The following TMEM266 variants were observed in gnomAD, a reference collection of about 807,000 sequenced individuals.
TMEM266 encodes transmembrane protein 266.
TMEM266 carries 33 observed loss-of-function variants against 50.5 expected under a neutral mutation model. That is an observed-to-expected ratio of 0.65 (90% confidence interval 0.50 to 0.87). TMEM266 has a LOEUF of 0.87. Ranked by LOEUF, TMEM266 falls within the 40% of genes least tolerant of loss-of-function variation. The pLI, the probability that TMEM266 is intolerant of heterozygous loss-of-function variation, is 0.00. For missense variants in TMEM266, 655 were observed against 695.1 expected, an observed-to-expected ratio of 0.94 and a Z score of 0.65; for synonymous variants, 310 against 292.3, an observed-to-expected ratio of 1.06 and a Z score of -0.62.
chr15:76,080,333 A>T (rs1596089755), intron 1 of TMEM266, among the ~76,000 whole-genome samples: 4 of 876 alleles, frequency 4.6e-3, no homozygotes, highest in Non-Finnish European at 7.2e-3. Context: ...GCTCACTGCA[A>T]CCTCTGCCTC....
intron 5 of TMEM266, among the ~76,000 whole-genome samples, chr15:76,167,482 AAAG>A (rs1263620912): frequency 1.3e-5 from 2 of 151,464 alleles, no homozygotes; most frequent in African/African-American, 4.8e-5. Flanking sequence ...AAAAAAAAAA[AAAG>A]AAACCATATT....
chr15:76,200,231 C>G (rs1258079913), intron 9 of TMEM266, among the ~76,000 whole-genome samples: 1 of 152,146 alleles, frequency 6.6e-6, no homozygotes, highest in Non-Finnish European at 1.5e-5. Context: ...GGAGACAGCC[C>G]TCTCAGGCCG....
intron 1 of TMEM266, among the ~76,000 whole-genome samples, chr15:76,131,539 T>G (rs899868253): frequency 1.3e-5 from 2 of 152,216 alleles, no homozygotes; most frequent in African/African-American, 4.8e-5. Context: ...TCAGAAGACT[T>G]TATTAACTTG....
At position 76,168,858 on chromosome 15, in the gene TMEM266, GT is replaced by G. The variant is rs1191321750; in HGVS notation, c.457-957del. ...GGAGGCACCAGCTGAGCCGGGGAGT[GT>G]GCAAGAGCTTCATGGAGGTGACGTT... On this transcript the variant is annotated intron_variant, in intron 5 of 10. Coordinates refer to ENST00000388942, the MANE Select transcript of TMEM266 (RefSeq NM_152335.3). This position sits in a 1 kb window ranked among gnomAD's most constrained non-coding sequence, Gnocchi z 4.4. 2.0e-5 allele frequency among the ~76,000 whole-genome samples: 3 copies of G among 152,210 alleles called. No homozygotes were observed. The highest frequency in any genetic ancestry group is 2.0e-4 in the Admixed American group (3 of 15,282).
rs1398873679 is a variant in TMEM266, at chr15:76,168,914, C to G, written c.457-902C>G. Among the ~76,000 whole-genome samples the G allele has an allele frequency of 6.6e-6, 1 of 152,226 alleles. No homozygotes were observed. ...CCAGAAGGACAGGAAGGGGAAAGCC[C>G]TGCTGGCTTAGGCACAGGCCAAGCT... On this transcript the variant is annotated intron_variant, in intron 5 of 10. Transcript: ENST00000388942. The surrounding 1 kb of genome is among the most constrained non-coding windows in gnomAD (Gnocchi z 4.4).
intron 10 of TMEM266, among the ~76,000 whole-genome samples, chr15:76,203,227 G>A (rs931911016): frequency 2.7e-5 from 4 of 150,526 alleles, no homozygotes; most frequent in Non-Finnish European, 4.4e-5. Context: ...TGGAACCCAA[G>A]TTCCCTGCCC....
chr15:76,175,524 G>C (rs1410772990), intron 7 of TMEM266, 35 bp from the exon 8 acceptor site: 1 of 1,570,610 alleles, frequency 6.4e-7, no homozygotes, highest in Non-Finnish European at 8.7e-7. Flanking sequence ...CCCTGCCACT[G>C]CTGAATTCTT....
intron 7 of TMEM266, among the ~76,000 whole-genome samples, chr15:76,171,571 C>G (rs1254775165): frequency 1.3e-5 from 2 of 152,218 alleles, no homozygotes; most frequent in South Asian, 4.1e-4. Flanking sequence ...TCCCTGCAGG[C>G]TTTGTCTCAC....
rs1293586827 is a variant in TMEM266, at chr15:76,204,519, C to T, written c.*204C>T. 2.0e-6 allele frequency: 1 copy of T among 504,986 alleles called. No homozygotes were observed. The highest frequency in any genetic ancestry group is 3.5e-6 in the Non-Finnish European group (1 of 286,014). The allele number at this position is 504,986 out of a possible 1,614,324, so 31.3% of individuals were successfully genotyped here. ...GCCCAGAGCTGGCGCCTCTTCTCGCCCTGCTCAGGGGAGGGTGGTGCTCGT... is the reference window on the plus strand; with the variant it reads ...GCCCAGAGCTGGCGCCTCTTCTCGCTCTGCTCAGGGGAGGGTGGTGCTCGT... On this transcript the variant is annotated 3_prime_UTR_variant, in exon 11 of 11. Coordinates refer to ENST00000388942, the MANE Select transcript of TMEM266 (RefSeq NM_152335.3).
intron 3 of TMEM266, among the ~76,000 whole-genome samples, chr15:76,154,457 T>C (rs970525311): frequency 3.3e-5 from 5 of 152,122 alleles, no homozygotes; most frequent in Admixed American, 1.3e-4. Context: ...GGGATGTTCA[T>C]TGATGGCCTT....
At position 76,204,461 on chromosome 15, in the gene TMEM266, CAGGCCAGG is replaced by C. The variant is rs1224682439; in HGVS notation, c.*153_*160del. Reference sequence around the variant, plus strand: ...CTGCCTGCCTCCAGGGAGGCGACGCCAGGCCAGGAGGCCACAAGCTTCAGACCTCAAAG... The same window carrying C: ...CTGCCTGCCTCCAGGGAGGCGACGCCAGGCCACAAGCTTCAGACCTCAAAG... On this transcript the variant is annotated 3_prime_UTR_variant, in exon 11 of 11. Transcript: ENST00000388942. The C allele has an allele frequency of 2.8e-6, 2 of 714,062 alleles. No homozygotes were observed. The highest frequency in any genetic ancestry group is 3.0e-5 in the Admixed American group (1 of 33,068). 44.2% of individuals were successfully genotyped at this position (714,062 alleles called of 1,614,324 possible). A position where few individuals can be genotyped will look rare whatever the true frequency, so the allele number is the denominator to read the frequency against.
chr15:76,197,823 T>C (rs2142087986), intron 9 of TMEM266, among the ~76,000 whole-genome samples: 1 of 152,242 alleles, frequency 6.6e-6, no homozygotes, highest in South Asian at 2.1e-4. Context: ...CCCCACCACC[T>C]CCAGGAAGCC....
chr15:76,159,457 T>C (rs138281792), intron 4 of TMEM266, among the ~76,000 whole-genome samples: 1,974 of 152,110 alleles, frequency 0.013, 45 homozygotes, highest in African/African-American at 0.045. Flanking sequence ...AGTAGGGCAA[T>C]GTGGAAGTTT....
intron 5 of TMEM266, among the ~76,000 whole-genome samples, chr15:76,163,177 G>T (rs1294500280): frequency 1.3e-5 from 2 of 152,234 alleles, no homozygotes; most frequent in African/African-American, 4.8e-5. Context: ...CTGGGTGGGT[G>T]AGCGGGCCTC....
At chr15:76,120,276 C>T (rs1191585074) in intron 1 of TMEM266, among the ~76,000 whole-genome samples, 1 of 150,984 alleles carries the variant, frequency 6.6e-6, no homozygotes, top group Non-Finnish European at 1.5e-5. Context: ...ATGGATCATT[C>T]GCACCATGGA....
intron 8 of TMEM266, 154 bp downstream of exon 8, chr15:76,175,828 G>A: frequency 1.7e-6 from 1 of 600,676 alleles, no homozygotes; most frequent in South Asian, 1.9e-5. Flanking sequence ...GCCCAGAGAA[G>A]GGGACACATC....
intron 1 of TMEM266, among the ~76,000 whole-genome samples, chr15:76,117,427 C>G (rs1358811606): frequency 1.3e-5 from 2 of 152,044 alleles, no homozygotes; most frequent in Non-Finnish European, 2.9e-5. Flanking sequence ...AAACTGGGCT[C>G]CGACTAAGAG....
intron 1 of TMEM266, among the ~76,000 whole-genome samples, chr15:76,078,029 A>G (rs142631755): frequency 6.6e-6 from 1 of 152,202 alleles, no homozygotes; most frequent in East Asian, 1.9e-4. Flanking sequence ...CCATTTGTTT[A>G]ACATCCTGTT....
At position 76,087,166 on chromosome 15, in the gene TMEM266, T is replaced by A. The variant is rs562829154; in HGVS notation, c.-97+27150T>A. Among the ~76,000 whole-genome samples, 91 of 152,296 alleles carry A rather than the reference T, an allele frequency of 6.0e-4. 1 individual carries two copies. The highest frequency in any genetic ancestry group is 2.0e-3 in the African/African-American group (82 of 41,560). On this transcript the variant is annotated intron_variant, in intron 1 of 10. Coordinates refer to ENST00000388942, the MANE Select transcript of TMEM266 (RefSeq NM_152335.3). Reference sequence around the variant, plus strand: ...GTATATAAATTGTGCATCTTTTTTTTAAAGTACTAGAGAAAAAAGACTTCT... The same window carrying A: ...GTATATAAATTGTGCATCTTTTTTTAAAAGTACTAGAGAAAAAAGACTTCT...
Sources: gnomAD v4.1 joint callset for allele counts (sites outside exome capture counted in the v4.1 genomes callset) on GRCh38, gnomAD v4.1.1 for gene constraint, Gnocchi (gnomAD v3.1) non-coding constraint, MANE v1.5 for transcripts, NCBI Gene and HGNC (gene_info 2026-07-23, HGNC 2026-07-21) for gene names.